Variants in FBXO17 observed in about 807,000 individuals in gnomAD.
FBXO17 encodes the protein F-box protein 17, also known as F-box only protein 17.
A neutral mutation model predicts 34.1 loss-of-function variants in FBXO17; 43 were observed. The observed-to-expected ratio is 1.26, with a 90% CI of 0.99 to 1.62. The LOEUF (loss-of-function observed/expected upper bound fraction) is 1.62, where lower values mean the gene tolerates loss of function less well. Ranked by LOEUF, FBXO17 falls within the 40% of genes most tolerant of loss-of-function variation. FBXO17 has a pLI of 0.00. For missense variants in FBXO17, 424 were observed against 386.7 expected (o/e 1.10, Z -0.81); for synonymous variants, 169 against 166.0 (o/e 1.02, Z -0.14).
At chr19:38,943,308 C>T (rs1375288466) in intron 5 of FBXO17, among the ~76,000 whole-genome samples, 1 of 151,878 alleles carries the variant, frequency 6.6e-6, no homozygotes, top group Non-Finnish European at 1.5e-5. Context: ...GAGTCTCACT[C>T]TGTCGCCCAG....
At chr19:38,949,464 C>T (rs1975037131) in intron 2 of FBXO17, among the ~76,000 whole-genome samples, 1 of 151,434 alleles carries the variant, frequency 6.6e-6, no homozygotes, top group African/African-American at 2.4e-5. Context: ...AAACTCCTGG[C>T]CTCAAGCGAT....
At chr19:38,949,665 A>G (rs1975041578) in intron 2 of FBXO17, 1 of 500,628 alleles carries the variant, frequency 2.0e-6, no homozygotes, top group Non-Finnish European at 3.5e-6. Flanking sequence ...AAGCGTTGCC[A>G]TTCCCACCGC....
At chr19:38,970,743 G>C (rs955666471) in intron 1 of FBXO17, among the ~76,000 whole-genome samples, 12 of 152,076 alleles carry the variant, frequency 7.9e-5, no homozygotes, top group Non-Finnish European at 1.5e-4. Flanking sequence ...TTACACAAAT[G>C]CTCCTCAGCC....
At chr19:38,944,457 T>G (rs1234031761) in intron 5 of FBXO17, among the ~76,000 whole-genome samples, 1 of 152,148 alleles carries the variant, frequency 6.6e-6, no homozygotes, top group Non-Finnish European at 1.5e-5. Context: ...TTGCCCAGGC[T>G]GGCCTCAAAC....
chr19:38,943,063 G>A (rs1354438012), intron 5 of FBXO17, among the ~76,000 whole-genome samples: 1 of 152,068 alleles, frequency 6.6e-6, no homozygotes, highest in African/African-American at 2.4e-5. Context: ...GAGCCGGGAG[G>A]GGCTCTGGAG....
chr19:38,962,726 T>G (rs1034559531), intron 1 of FBXO17, among the ~76,000 whole-genome samples: 5 of 150,872 alleles, frequency 3.3e-5, no homozygotes, highest in African/African-American at 1.2e-4. Context: ...TTTCTTTCCT[T>G]TTTTTTTTGA....
At chr19:38,946,372 C>A in intron 4 of FBXO17, 100 bp downstream of exon 4, 1 of 1,554,808 alleles carries the variant, frequency 6.4e-7, no homozygotes, top group Admixed American at 1.9e-5. Context: ...ACAGTGACAG[C>A]CGCTACCCGT....
In FBXO17 at chr19:38,950,048, A is replaced by G. The variant is rs1326827126; in HGVS notation, c.272T>C (p.Phe91Ser). Residue 91 changes from phenylalanine to serine, a missense_variant, in exon 2 of 6, where the codon TTC (phenylalanine) becomes TCC (serine). Transcript: ENST00000292852. ...GTAGCGCGCCAGGGCGCACAGCGGG[A>G]ACTCCTCCTTGTCTTCGTTGCTGGG... ...CLPSNEDKEE[F>S]PLCALARYCL... is the part of the protein sequence containing the mutation. 1.9e-6 allele frequency: 3 copies of G among 1,568,184 alleles called. No individual in the cohort carries two copies. The highest frequency in any genetic ancestry group is 2.6e-6 in the Non-Finnish European group (3 of 1,157,986).
At chr19:38,967,797 A>T (rs909261464) in intron 1 of FBXO17, among the ~76,000 whole-genome samples, 2 of 151,940 alleles carry the variant, frequency 1.3e-5, no homozygotes, top group African/African-American at 4.8e-5. Context: ...AACTCCTGGG[A>T]TCAAGGGATC....
Position 38,953,687 on chromosome 19 carries a change from A to AC in FBXO17, c.-17-3352_-17-3351insG, listed in dbSNP as rs1203353064. Among the ~76,000 whole-genome samples the AC allele has an allele frequency of 1.1e-3, 165 of 151,980 alleles. 2 individuals are homozygous for AC. Among genetic ancestry groups the AC allele is most frequent in the Admixed American group, 1.3e-3 (20 of 15,250 alleles). On this transcript the variant is annotated intron_variant, in intron 1 of 5. Coordinates refer to ENST00000292852, the MANE Select transcript of FBXO17 (RefSeq NM_024907.7). ...AAACAAAACAAAAACAAAAACAAAA[A>AC]AAGAGAGAGGGTTTGTTTTGAGATG...
chr19:38,958,746 T>TGA (rs1323562677), intron 1 of FBXO17, among the ~76,000 whole-genome samples: 1 of 152,188 alleles, frequency 6.6e-6, no homozygotes, highest in African/African-American at 2.4e-5. Context: ...AAAGTGGCTA[T>TGA]GAGAACATTT....
intron 1 of FBXO17, among the ~76,000 whole-genome samples, chr19:38,960,963 C>T (rs1015462517): frequency 7.2e-5 from 11 of 152,078 alleles, no homozygotes; most frequent in African/African-American, 2.2e-4. Flanking sequence ...CGCACCACCA[C>T]GCCAGGCTGA....
intron 4 of FBXO17, 83 bp downstream of exon 4, chr19:38,946,389 G>C: frequency 6.3e-7 from 1 of 1,591,790 alleles, no homozygotes; most frequent in Non-Finnish European, 8.6e-7. Flanking sequence ...CCGTGGGGTT[G>C]ATGGGGCGGG....
chr19:38,959,147 T>A (rs1178354227), intron 1 of FBXO17, among the ~76,000 whole-genome samples: 2 of 151,602 alleles, frequency 1.3e-5, no homozygotes, highest in African/African-American at 4.8e-5. Flanking sequence ...TGGGCTCAAG[T>A]GATCCTGTCG....
At chr19:38,970,348 C>T (rs1389436315) in intron 1 of FBXO17, among the ~76,000 whole-genome samples, 1 of 152,028 alleles carries the variant, frequency 6.6e-6, no homozygotes, top group African/African-American at 2.4e-5. Context: ...CCTGGGACCA[C>T]AGGCACACAC....
intron 1 of FBXO17, among the ~76,000 whole-genome samples, chr19:38,971,771 T>G (rs1975393841): frequency 1.4e-5 from 2 of 145,908 alleles, no homozygotes; most frequent in African/African-American, 2.6e-5. Context: ...TGGGTGAGAG[T>G]GAAACCCTGT....
chr19:38,951,909 G>A (rs554255153), intron 1 of FBXO17, among the ~76,000 whole-genome samples: 2 of 151,998 alleles, frequency 1.3e-5, no homozygotes, highest in South Asian at 2.1e-4. Flanking sequence ...TCGGCCTCCC[G>A]AAGTGCTGGG....
rs1350402175 is a variant in FBXO17, at chr19:38,949,990, G to A, written c.330C>T (p.Ile110=). ...ACCCACGCTCTCCGCAGGAGTTGAA[G>A]ATGAGATTGCGGCCGAAGGGCGCGC... is the stretch of plus-strand genomic sequence containing the variant. The part of the protein sequence containing the change: ...CLRAPFGRNL[I]FNSCGEQGFR... The change falls in exon 2 of 6, where the codon ATC becomes ATT. Residue 110 remains isoleucine, a synonymous_variant. Coordinates refer to ENST00000292852, the MANE Select transcript of FBXO17 (RefSeq NM_024907.7). The A allele has an allele frequency of 6.5e-7, 1 of 1,549,096 alleles. No individual in the cohort carries two copies. The highest frequency in any genetic ancestry group is 8.7e-7 in the Non-Finnish European group (1 of 1,148,758).
intron 1 of FBXO17, among the ~76,000 whole-genome samples, chr19:38,964,478 A>G (rs564129242): frequency 1.4e-4 from 22 of 152,052 alleles, no homozygotes; most frequent in Non-Finnish European, 2.4e-4. Flanking sequence ...ATTAATTTTT[A>G]ACTATTTTAG....
Sources: gnomAD v4.1 joint callset for allele counts (sites outside exome capture counted in the v4.1 genomes callset) on GRCh38, gnomAD v4.1.1 for gene constraint, MANE v1.5 for transcripts, NCBI Gene and HGNC (gene_info 2026-07-23, HGNC 2026-07-21) for gene names.